ZRANB1: variants seen among roughly 807,000 people sequenced by gnomAD.
ZRANB1 encodes zinc finger RANBP2-type containing 1.
In ZRANB1, 16 loss-of-function variants were observed where a neutral mutation model predicts 80.5. The observed-to-expected ratio is 0.20, with a 90% CI of 0.13 to 0.30. ZRANB1 has a LOEUF of 0.30. Ranked by LOEUF, ZRANB1 falls within the 10% of genes least tolerant of loss-of-function variation. ZRANB1 has a pLI of 1.00. For missense variants in ZRANB1, 576 were observed against 862.6 expected, an observed-to-expected ratio of 0.67 and a Z score of 4.16; for synonymous variants, 291 against 293.1, an observed-to-expected ratio of 0.99 and a Z score of 0.07.
At chr10:124,950,914 A>C (rs567891197) in intron 1 of ZRANB1, among the ~76,000 whole-genome samples, 5 of 152,334 alleles carry the variant, frequency 3.3e-5, no homozygotes, top group African/African-American at 1.2e-4. Context: ...CCCAGGCTGC[A>C]GCGGGCCATG....
intron 8 of ZRANB1, chr10:124,984,483 C>A (rs1177679824): frequency 3.0e-6 from 1 of 331,510 alleles, no homozygotes; most frequent in Middle Eastern, 8.6e-4. Flanking sequence ...TGTGGCTTGC[C>A]AGGATCAGTT....
the ZRANB1 span, among the ~76,000 whole-genome samples, chr10:124,918,857 TG>T: frequency 1.3e-5 from 2 of 152,244 alleles, no homozygotes; most frequent in African/African-American, 2.4e-5. Flanking sequence ...ATTGGGCTGT[TG>T]GGGGTTTACG....
At chr10:124,919,472 C>G in the ZRANB1 span, among the ~76,000 whole-genome samples, 1 of 151,834 alleles carries the variant, frequency 6.6e-6, no homozygotes, top group South Asian at 2.1e-4. Flanking sequence ...TCTTGAACGC[C>G]GGAGGCGGAG....
upstream of ZRANB1, among the ~76,000 whole-genome samples, chr10:124,939,137 C>T (rs1428577949): frequency 1.3e-5 from 2 of 151,914 alleles, no homozygotes; most frequent in African/African-American, 4.8e-5. Context: ...GATTGTGCCA[C>T]TGCACTCCAG....
At position 124,983,053 on chromosome 10, in the gene ZRANB1, A is replaced by C. The variant is rs1013462600; in HGVS notation, c.1549-122A>C. ...TGAGGAATCAAATGCTGCTTTGACA[A>C]TCTTTTCTTTCTTAAAAACCAACTG... is the stretch of plus-strand genomic sequence containing the variant. On this transcript the variant is annotated intron_variant, in intron 6 of 8. Coordinates refer to ENST00000359653, the MANE Select transcript of ZRANB1 (RefSeq NM_017580.3). The surrounding 1 kb of genome is among the most constrained non-coding windows in gnomAD (Gnocchi z 6.2). The C allele has an allele frequency of 1.0e-6, 1 of 971,898 alleles. No individual in the cohort carries two copies. Among genetic ancestry groups the C allele is most frequent in the East Asian group, 2.6e-5 (1 of 39,208 alleles). The allele number at this position is 971,898 out of a possible 1,614,324, so 60.2% of individuals were successfully genotyped here. A position where few individuals can be genotyped will look rare whatever the true frequency, so the allele number is the denominator to read the frequency against.
chr10:124,966,770 T>G lies in ZRANB1; in HGVS notation c.991T>G (p.Leu331Val). Residue 331 changes from leucine (L) to valine (V), a missense_variant, in exon 2 of 9, where the codon TTG (leucine) becomes GTG (valine). Leu to Val is a conservative substitution (Grantham distance 32). Coordinates refer to ENST00000359653, the MANE Select transcript of ZRANB1 (RefSeq NM_017580.3). Reference protein sequence around the residue: ...RFQRQDMLAILLTEVSQQAAK... With the variant: ...RFQRQDMLAIVLTEVSQQAAK... ...TCAGAGGCAGGATATGCTAGCAATA[T>G]TGCTTACAGAGGTAAGTTTGGCGTT... 6.2e-7 allele frequency: 1 copy of G among 1,612,422 alleles called. No individual in the cohort carries two copies. Among genetic ancestry groups the G allele is most frequent in the Non-Finnish European group, 8.5e-7 (1 of 1,178,556 alleles).
At chr10:124,947,891 A>G (rs753132383) in intron 1 of ZRANB1, among the ~76,000 whole-genome samples, 6 of 152,200 alleles carry the variant, frequency 3.9e-5, no homozygotes, top group Non-Finnish European at 7.3e-5. Flanking sequence ...TGCTGTCATC[A>G]GAGGAGCTAA....
intron 2 of ZRANB1, among the ~76,000 whole-genome samples, chr10:124,971,600 A>G (rs2133983994): frequency 6.6e-6 from 1 of 152,258 alleles, no homozygotes; most frequent in Middle Eastern, 3.4e-3. Flanking sequence ...CTCTGCTTCT[A>G]AAGAATGTTT....
chr10:124,918,339 C>G, the ZRANB1 span, among the ~76,000 whole-genome samples: 1 of 152,136 alleles, frequency 6.6e-6, no homozygotes, highest in Non-Finnish European at 1.5e-5. Context: ...TACAGGCATG[C>G]GCCACCACGC....
chr10:124,959,442 CCTGAGGG>C (rs1307197512), intron 1 of ZRANB1, among the ~76,000 whole-genome samples: 1 of 151,788 alleles, frequency 6.6e-6, no homozygotes, highest in Non-Finnish European at 1.5e-5. Flanking sequence ...TAGCTGTTAA[CCTGAGGG>C]CAGTGGTAAA....
rs1163560470 is a variant in ZRANB1 at position 124,986,037 on chromosome 10, A to G, written c.*1045A>G. On this transcript the variant is annotated 3_prime_UTR_variant, in exon 9 of 9. Coordinates refer to ENST00000359653, the MANE Select transcript of ZRANB1 (RefSeq NM_017580.3). ...AAATGCATTGTATGAAGAATTTCTC[A>G]GTGTTTAGTCTGAGAATTTTTGCAT... is the stretch of plus-strand genomic sequence containing the variant. 6.6e-6 allele frequency: 1 copy of G among 152,600 alleles called. No individual in the cohort carries two copies. The highest frequency in any genetic ancestry group is 1.5e-5 in the Non-Finnish European group (1 of 68,038). 9.5% of individuals were successfully genotyped at this position (152,600 alleles called of 1,614,324 possible).
rs768668425 is a variant in ZRANB1, at chr10:124,942,458, T to C, written c.-36T>C. On this transcript the variant is annotated 5_prime_UTR_variant, in exon 1 of 9. Transcript: ENST00000359653. The stretch of plus-strand genomic sequence containing the variant: ...TAACCATGTCCTAATTATTTATAGC[T>C]TCCTGCCTGACACAGCTCACTTCAA... The C allele has an allele frequency of 6.2e-7, 1 of 1,612,410 alleles. No homozygotes were observed. Among genetic ancestry groups the C allele is most frequent in the Non-Finnish European group, 8.5e-7 (1 of 1,178,612 alleles).
At chr10:124,967,600 G>A (rs535913179) in intron 2 of ZRANB1, among the ~76,000 whole-genome samples, 4 of 152,276 alleles carry the variant, frequency 2.6e-5, no homozygotes, top group East Asian at 1.9e-4. Context: ...GGAGAGGGGT[G>A]AGCCTGGTTA....
chr10:124,957,954 T>G (rs1951700454), intron 1 of ZRANB1, among the ~76,000 whole-genome samples: 1 of 152,190 alleles, frequency 6.6e-6, no homozygotes, highest in African/African-American at 2.4e-5. Context: ...GGTCTCGAAC[T>G]CCTGGCCTCA....
At chr10:124,954,654 G>A (rs1310145923) in intron 1 of ZRANB1, among the ~76,000 whole-genome samples, 1 of 146,674 alleles carries the variant, frequency 6.8e-6, no homozygotes, top group South Asian at 2.2e-4. Context: ...CACCATGTTG[G>A]CCAGGCTGGT....
intron 5 of ZRANB1, among the ~76,000 whole-genome samples, chr10:124,980,974 CCT>C (rs1951927196): frequency 6.6e-6 from 1 of 152,110 alleles, no homozygotes; most frequent in Admixed American, 6.6e-5. Context: ...GTTTCTTTTA[CCT>C]AGAATTCAGA....
intron 1 of ZRANB1, among the ~76,000 whole-genome samples, chr10:124,947,493 A>G (rs1247696751): frequency 2.0e-5 from 3 of 152,198 alleles, no homozygotes; most frequent in African/African-American, 7.2e-5. Context: ...TTAAAAAGAC[A>G]CAGGGTTAGA....
intron 1 of ZRANB1, among the ~76,000 whole-genome samples, chr10:124,943,883 A>G (rs1457232344): frequency 6.6e-6 from 1 of 152,240 alleles, no homozygotes; most frequent in East Asian, 1.9e-4. Flanking sequence ...CTTTAGTCAG[A>G]TGTTAAAAAT....
the ZRANB1 span, among the ~76,000 whole-genome samples, chr10:124,932,057 A>C: frequency 6.6e-6 from 1 of 152,156 alleles, no homozygotes. Context: ...TATAGTTGGA[A>C]TCATACATTA....
Sources: gnomAD v4.1 joint callset for allele counts (sites outside exome capture counted in the v4.1 genomes callset) on GRCh38, gnomAD v4.1.1 for gene constraint, Gnocchi (gnomAD v3.1) non-coding constraint, MANE v1.5 for transcripts, NCBI Gene and HGNC (gene_info 2026-07-23, HGNC 2026-07-21) for gene names.